Variants in BHMT2 observed in about 807,000 individuals in gnomAD.
BHMT2 encodes the protein S-methylmethionine--homocysteine S-methyltransferase BHMT2.
BHMT2 carries 28 observed loss-of-function variants against 39.0 expected under a neutral mutation model. The ratio of observed to expected loss-of-function variants is 0.72; its 90% CI spans 0.53 to 0.98. The LOEUF (loss-of-function observed/expected upper bound fraction) is 0.98. BHMT2 is among the 50% of genes least tolerant of loss of function. The pLI is 0.00. For missense variants in BHMT2, 410 were observed against 455.6 expected (o/e 0.90, Z 0.91); for synonymous variants, 145 against 160.6 (o/e 0.90, Z 0.74).
rs1359189731 is a variant in BHMT2, at chr5:79,083,168, TGTAA to T, written c.599-21_599-18del. On this transcript the variant is annotated intron_variant, in intron 5 of 7. Coordinates refer to ENST00000255192, the MANE Select transcript of BHMT2 (RefSeq NM_017614.5). ...AAGAATAAACAAATAAATAATAAAA[TGTAA>T]GTGTTATTTCTTTGCACAGGGGCTT... 1 of 1,611,018 alleles carries T rather than the reference TGTAA, an allele frequency of 6.2e-7. No individual in the cohort carries two copies.
chr5:79,076,989 G>T lies in BHMT2; in HGVS notation c.34-491G>T, dbSNP rs563449650. Among the ~76,000 whole-genome samples, 5 of 152,308 alleles carry T rather than the reference G, an allele frequency of 3.3e-5. No homozygotes were observed. In the East Asian group the frequency reaches 9.6e-4, roughly 29 times the overall value. Reference sequence around the variant, plus strand: ...AAATAGACAAAAGGGAAGGGAGTGGGCGTCTATGTCAGGAAAGCAAAACTT... The same window carrying T: ...AAATAGACAAAAGGGAAGGGAGTGGTCGTCTATGTCAGGAAAGCAAAACTT... On this transcript the variant is annotated intron_variant, in intron 1 of 7. Coordinates refer to ENST00000255192, the MANE Select transcript of BHMT2 (RefSeq NM_017614.5).
At chr5:79,083,988 C>CT in intron 7 of BHMT2, 132 bp downstream of exon 7, 1 of 1,310,356 alleles carries the variant, frequency 7.6e-7, no homozygotes, top group South Asian at 1.6e-5. Context: ...TATCCCCTTC[C>CT]TGATACCAGC....
At chr5:79,082,076 A>G (rs1009619091) in intron 4 of BHMT2, among the ~76,000 whole-genome samples, 1 of 152,224 alleles carries the variant, frequency 6.6e-6, no homozygotes, top group African/African-American at 2.4e-5. Flanking sequence ...TGATTCTCTC[A>G]TAATTCCTCA....
At chr5:79,073,200 G>A (rs1295704636) in intron 1 of BHMT2, among the ~76,000 whole-genome samples, 1 of 152,140 alleles carries the variant, frequency 6.6e-6, no homozygotes, top group Non-Finnish European at 1.5e-5. Flanking sequence ...CTGACCTCAA[G>A]TGATCTGCCT....
chr5:79,089,812 T>C lies in BHMT2; in HGVS notation c.*1238T>C, dbSNP rs1196607999. Among the ~76,000 whole-genome samples, 1 of 151,916 alleles carries C rather than the reference T, an allele frequency of 6.6e-6. No individual in the cohort carries two copies. Among genetic ancestry groups the C allele is most frequent in the African/African-American group, 2.4e-5 (1 of 41,358 alleles). On this transcript the variant is annotated 3_prime_UTR_variant, in exon 8 of 8. Coordinates refer to ENST00000255192, the MANE Select transcript of BHMT2 (RefSeq NM_017614.5). Reference sequence around the variant, plus strand: ...AAAACCCCATCTCTACTAAATAAAATACAAAAATTATCCAGGCATGGTGGT... The same window carrying C: ...AAAACCCCATCTCTACTAAATAAAACACAAAAATTATCCAGGCATGGTGGT...
intron 1 of BHMT2, among the ~76,000 whole-genome samples, chr5:79,072,830 G>A (rs1755605629): frequency 6.6e-6 from 1 of 152,180 alleles, no homozygotes; most frequent in Non-Finnish European, 1.5e-5. Context: ...TGAGGATGGT[G>A]GGGCATTTGA....
intron 4 of BHMT2, among the ~76,000 whole-genome samples, chr5:79,081,526 T>C (rs753036390): frequency 6.6e-6 from 1 of 152,160 alleles, no homozygotes; most frequent in East Asian, 1.9e-4. Flanking sequence ...TGCTACTGCC[T>C]GGGGTCATGC....
chr5:79,084,285 G>C (rs1755851449), intron 7 of BHMT2, among the ~76,000 whole-genome samples: 1 of 151,942 alleles, frequency 6.6e-6, no homozygotes, highest in South Asian at 2.1e-4. Flanking sequence ...TTGTTTGTTT[G>C]TTTGTTTCTG....
At chr5:79,076,011 C>G (rs568384544) in intron 1 of BHMT2, among the ~76,000 whole-genome samples, 6 of 152,310 alleles carry the variant, frequency 3.9e-5, no homozygotes, top group Non-Finnish European at 7.4e-5. Flanking sequence ...TCCGCCTTAT[C>G]GAAAGGACAG....
Position 79,077,493 on chromosome 5 carries a change from G to A in BHMT2, c.47G>A (p.Arg16His), listed in dbSNP as rs534723307. ...RPGAKKGILE[R>H]LESGEVVIGD... ...TCTCTTCTTCAGGGGATTTTGGAGC[G>A]CCTGGAGAGTGGGGAGGTTGTGATT... Residue 16 changes from arginine to histidine, a missense_variant, in exon 2 of 8, where the codon CGC becomes CAC. By Grantham distance (29) the Arg-to-His change is conservative. Transcript: ENST00000255192. The A allele has an allele frequency of 1.1e-4, 173 of 1,613,482 alleles. No homozygotes were observed. Among genetic ancestry groups the A allele is most frequent in the Middle Eastern group, 3.3e-4 (2 of 6,058 alleles).
chr5:79,077,614 T>C lies in BHMT2; in HGVS notation c.166+2T>C. 6.2e-7 allele frequency: 1 copy of C among 1,613,404 alleles called. No individual in the cohort carries two copies. The highest frequency in any genetic ancestry group is 8.5e-7 in the Non-Finnish European group (1 of 1,179,706). On this transcript the variant is annotated splice_donor_variant, in intron 2 of 7. Coordinates refer to ENST00000255192, the MANE Select transcript of BHMT2 (RefSeq NM_017614.5). LOFTEE classifies it high-confidence loss of function. ...CAGTGATAGAACACCCAGACGCAGG[T>C]TGGTGTCCACATCCCCAAGAGTGTC...
intron 3 of BHMT2, 81 bp downstream of exon 3, chr5:79,079,541 A>G (rs551986693): frequency 1.1e-6 from 1 of 942,708 alleles, no homozygotes; most frequent in African/African-American, 1.7e-5. Flanking sequence ...GGAATTGATT[A>G]TGTGTTACTA....
intron 1 of BHMT2, among the ~76,000 whole-genome samples, chr5:79,073,955 G>A (rs1755626576): frequency 6.6e-6 from 1 of 152,174 alleles, no homozygotes; most frequent in African/African-American, 2.4e-5. Flanking sequence ...ACCAGTATGA[G>A]TCTGGGAAGG....
chr5:79,083,940 C>CA (rs1275260635), intron 7 of BHMT2, 84 bp downstream of exon 7: 54 of 1,483,722 alleles, frequency 3.6e-5, no homozygotes, highest in Non-Finnish European at 4.3e-5. Flanking sequence ...ATGCACATGA[C>CA]AAAAAGTATA....
intron 4 of BHMT2, 120 bp from the exon 5 acceptor site, chr5:79,082,689 T>C: frequency 8.3e-7 from 1 of 1,203,054 alleles, no homozygotes; most frequent in Non-Finnish European, 1.2e-6. Context: ...TTAGCAAGTT[T>C]TATTATGCAT....
intron 4 of BHMT2, among the ~76,000 whole-genome samples, chr5:79,081,235 G>A (rs1755784051): frequency 1.3e-5 from 2 of 152,304 alleles, no homozygotes; most frequent in South Asian, 2.1e-4. Flanking sequence ...GGCACTGCAT[G>A]TGTGGGCTGG....
At chr5:79,084,932 A>G (rs1334743153) in intron 7 of BHMT2, among the ~76,000 whole-genome samples, 1 of 152,080 alleles carries the variant, frequency 6.6e-6, no homozygotes, top group Non-Finnish European at 1.5e-5. Flanking sequence ...TTCTTAGTTC[A>G]TCAATATAAG....
At chr5:79,080,595 A>G (rs59634611) in intron 3 of BHMT2, 92 bp from the exon 4 acceptor site, 1 of 1,198,698 alleles carries the variant, frequency 8.3e-7, no homozygotes, top group East Asian at 2.6e-5. Flanking sequence ...GCTTATACTC[A>G]TCTTACTTGT....
intron 2 of BHMT2, 128 bp downstream of exon 2, chr5:79,077,740 T>C: frequency 8.7e-7 from 1 of 1,143,892 alleles, no homozygotes. Flanking sequence ...TGCCAAGATG[T>C]GGAGATAATG....
Sources: gnomAD v4.1 joint callset for allele counts (sites outside exome capture counted in the v4.1 genomes callset) on GRCh38, gnomAD v4.1.1 for gene constraint, MANE v1.5 for transcripts, NCBI Gene and HGNC (gene_info 2026-07-23, HGNC 2026-07-21) for gene names.